GDF3: variants seen among roughly 807,000 people sequenced by gnomAD.
GDF3 encodes the protein growth/differentiation factor 3.
In GDF3, 10 loss-of-function variants were observed where a neutral mutation model predicts 10.2. The observed-to-expected ratio is 0.98, with a 90% CI of 0.60 to 1.66. The LOEUF is 1.66. Among genes scored for constraint, GDF3 ranks in the 40% most tolerant of loss-of-function variants. The pLI is 0.00. For missense variants in GDF3, 450 were observed against 438.3 expected (o/e 1.03, Z -0.24); for synonymous variants, 166 against 178.5 (o/e 0.93, Z 0.56).
chr12:7,694,417 T>C (rs1359170241), intron 1 of GDF3, among the ~76,000 whole-genome samples: 2 of 151,116 alleles, frequency 1.3e-5, no homozygotes, highest in African/African-American at 4.9e-5. Context: ...AATTAAAAAA[T>C]TAAAAAATTA....
In GDF3 at chr12:7,689,820, G is replaced by A; in HGVS notation, c.*58C>T. 1 of 1,106,850 alleles carries A rather than the reference G, an allele frequency of 9.0e-7. No homozygotes were observed. The highest frequency in any genetic ancestry group is 1.2e-5 in the South Asian group (1 of 80,774). The allele number at this position is 1,106,850 out of a possible 1,614,324, so 68.6% of individuals were successfully genotyped here. ...ATCTAAGTGGTCATAAACCAGATAG[G>A]TAGTTTTATTAAAAGATTTACCCTA... On this transcript the variant is annotated 3_prime_UTR_variant, in exon 2 of 2. Transcript: ENST00000329913.
intron 1 of GDF3, among the ~76,000 whole-genome samples, chr12:7,695,013 A>G (rs924850207): frequency 3.0e-4 from 45 of 152,300 alleles, no homozygotes; most frequent in Admixed American, 2.6e-4. Context: ...GGAGGTACAA[A>G]TAAGGGAAGC....
chr12:7,694,561 G>A (rs1317867010), intron 1 of GDF3, among the ~76,000 whole-genome samples: 4 of 108,070 alleles, frequency 3.7e-5, no homozygotes, highest in Non-Finnish European at 3.6e-5. Context: ...GGGACAGAGC[G>A]AGACTCTCAA....
chr12:7,690,007 T>G lies in GDF3; in HGVS notation c.966A>C (p.Pro322=), dbSNP rs1425660441. Residue 322 remains proline (P), a synonymous_variant, in exon 2 of 2, where the codon CCA becomes CCC. Coordinates refer to ENST00000329913, the MANE Select transcript of GDF3 (RefSeq NM_020634.3). ...GGATACACACAGCCTGGGGGATCTC[T>G]GGGTCAACGGCATGCATCAGGGCTT... ...FMQALMHAVD[P]EIPQAVCIPT... 6.2e-7 allele frequency: 1 copy of G among 1,613,990 alleles called. No individual in the cohort carries two copies. The highest frequency in any genetic ancestry group is 8.5e-7 in the Non-Finnish European group (1 of 1,179,894).
Position 7,695,682 on chromosome 12 carries a change from A to C in GDF3, c.47T>G (p.Leu16Arg). 6.2e-7 allele frequency: 1 copy of C among 1,614,206 alleles called. No homozygotes were observed. The highest frequency in any genetic ancestry group is 1.1e-5 in the South Asian group (1 of 91,088). The change falls in exon 1 of 2, where the codon CTG becomes CGG. Residue 16 changes from leucine (L) to arginine (R), a missense_variant. Transcript: ENST00000329913. ...AAATTGGACTGCCTGGCCCAAAGCC[A>C]GAATTAACAGGAAGCTGAAAGCCAA... The part of the protein sequence containing the change: ...PDLAFSFLLI[L>R]ALGQAVQFQE...
At position 7,695,749 on chromosome 12, in the gene GDF3, G is replaced by C. The variant is rs1200725346; in HGVS notation, c.-21C>G. On this transcript the variant is annotated 5_prime_UTR_variant, in exon 1 of 2. Transcript: ENST00000329913. Reference sequence around the variant, plus strand: ...AGCATGGCCTCTGGAGTGGCTGTCAGACCGGGGAGAGCTCCACTGCCAGAC... The same window carrying C: ...AGCATGGCCTCTGGAGTGGCTGTCACACCGGGGAGAGCTCCACTGCCAGAC... 9 of 1,613,594 alleles carry C rather than the reference G, an allele frequency of 5.6e-6. No homozygotes were observed. Among genetic ancestry groups the C allele is most frequent in the Non-Finnish European group, 7.6e-6 (9 of 1,179,846 alleles).
Position 7,690,291 on chromosome 12 carries a change from A to G in GDF3, c.682T>C (p.Ser228Pro). Residue 228 changes from serine (S) to proline (P), a missense_variant, in exon 2 of 2, where the codon TCC (serine) becomes CCC (proline). Transcript: ENST00000329913. ...PEDTCARLRC[S>P]LHASLLVVTL... ...ACCACCAGCAGGGAAGCATGAAGGGAGCATCTTAGTCTGGCACAGGTGTCT... is the reference window on the plus strand; with the variant it reads ...ACCACCAGCAGGGAAGCATGAAGGGGGCATCTTAGTCTGGCACAGGTGTCT... 6.2e-7 allele frequency: 1 copy of G among 1,614,076 alleles called. No individual in the cohort carries two copies.
intron 1 of GDF3, among the ~76,000 whole-genome samples, chr12:7,691,311 G>A (rs1018497323): frequency 9.9e-5 from 15 of 152,048 alleles, no homozygotes; most frequent in Non-Finnish European, 1.9e-4. Flanking sequence ...CCTTCATTAT[G>A]AATATAGGTA....
rs1864175790 is a variant in GDF3 at position 7,695,643 on chromosome 12, A to G, written c.86T>C (p.Phe29Ser). Residue 29 changes from phenylalanine to serine, a missense_variant, in exon 1 of 2, where the codon TTT (phenylalanine) becomes TCT (serine). Phe to Ser is a radical substitution (Grantham distance 155). Coordinates refer to ENST00000329913, the MANE Select transcript of GDF3 (RefSeq NM_020634.3). ...GQAVQFQEYV[F>S]LQFLGLDKAP... is the part of the protein sequence containing the mutation. Reference sequence around the variant, plus strand: ...CTTATCTAAGCCCAGAAATTGGAGAAAGACATATTCTTGAAATTGGACTGC... The same window carrying G: ...CTTATCTAAGCCCAGAAATTGGAGAGAGACATATTCTTGAAATTGGACTGC... 6.2e-7 allele frequency: 1 copy of G among 1,614,164 alleles called. No homozygotes were observed. The highest frequency in any genetic ancestry group is 1.3e-5 in the African/African-American group (1 of 75,046).
intron 1 of GDF3, among the ~76,000 whole-genome samples, chr12:7,694,225 G>T (rs1192596924): frequency 1.3e-5 from 2 of 152,044 alleles, no homozygotes; most frequent in Admixed American, 6.6e-5. Context: ...TTGCAGACGA[G>T]AATTTTACGT....
At position 7,690,433 on chromosome 12, in the gene GDF3, G is replaced by C. The variant is rs745398811; in HGVS notation, c.540C>G (p.His180Gln). Reference protein sequence around the residue: ...RSVPWPQGAVHFNLLDVAKDW... With the variant: ...RSVPWPQGAVQFNLLDVAKDW... ...CCTTAGCTACATCCAGCAGGTTGAA[G>C]TGAACAGCACCTTGTGGCCATGGGA... is the stretch of plus-strand genomic sequence containing the variant. The change falls in exon 2 of 2, where the codon CAC becomes CAG. Residue 180 changes from histidine (H) to glutamine (Q), a missense_variant. Coordinates refer to ENST00000329913, the MANE Select transcript of GDF3 (RefSeq NM_020634.3). 1.2e-6 allele frequency: 2 copies of C among 1,614,160 alleles called. No individual in the cohort carries two copies. Among genetic ancestry groups the C allele is most frequent in the Non-Finnish European group, 1.7e-6 (2 of 1,180,036 alleles).
chr12:7,695,634 A>G lies in GDF3; in HGVS notation c.95T>C (p.Phe32Ser). Reference protein sequence around the residue: ...VQFQEYVFLQFLGLDKAPSPQ... With the variant: ...VQFQEYVFLQSLGLDKAPSPQ... Reference sequence around the variant, plus strand: ...TGAAGGCGCCTTATCTAAGCCCAGAAATTGGAGAAAGACATATTCTTGAAA... The same window carrying G: ...TGAAGGCGCCTTATCTAAGCCCAGAGATTGGAGAAAGACATATTCTTGAAA... The change falls in exon 1 of 2, where the codon TTT becomes TCT. Residue 32 changes from phenylalanine (F) to serine (S), a missense_variant. Phe to Ser is a radical substitution (Grantham distance 155). Coordinates refer to ENST00000329913, the MANE Select transcript of GDF3 (RefSeq NM_020634.3). 6.2e-7 allele frequency: 1 copy of G among 1,614,118 alleles called. No homozygotes were observed. Among genetic ancestry groups the G allele is most frequent in the Middle Eastern group, 1.6e-4 (1 of 6,062 alleles).
chr12:7,695,267 G>A (rs1864171136), intron 1 of GDF3, among the ~76,000 whole-genome samples, 194 bp downstream of exon 1: 1 of 152,154 alleles, frequency 6.6e-6, no homozygotes, highest in Non-Finnish European at 1.5e-5. Context: ...TACTGTCTGA[G>A]CCTAATTTCC....
chr12:7,692,261 C>T (rs777643780), intron 1 of GDF3, among the ~76,000 whole-genome samples: 173 of 151,498 alleles, frequency 1.1e-3, no homozygotes, highest in African/African-American at 3.9e-3. Context: ...AAACCTGTCT[C>T]TGCTAAAAAT....
rs1231956592 is a variant in GDF3 at position 7,690,480 on chromosome 12, T to TA, written c.492dup (p.Lys165Ter). 6.2e-7 allele frequency: 1 copy of TA among 1,614,094 alleles called. No individual in the cohort carries two copies. Among genetic ancestry groups the TA allele is most frequent in the African/African-American group, 1.3e-5 (1 of 75,038 alleles). On this transcript the variant is annotated frameshift_variant, in exon 2 of 2. Transcript: ENST00000329913. LOFTEE classifies it low-confidence loss of function (END_TRUNC). ...GGGACTGACCGCAACACAAACATTT[T>TA]ACCTGGCTTAGGGGTGGTCTGGCCC...
At chr12:7,691,727 G>GT in intron 1 of GDF3, among the ~76,000 whole-genome samples, 1 of 150,822 alleles carries the variant, frequency 6.6e-6, no homozygotes, top group East Asian at 2.0e-4. Context: ...TATTTTAAAA[G>GT]CCAGGCGTGG....
chr12:7,695,486 A>C lies in GDF3; in HGVS notation c.243T>G (p.Asn81Lys). ...CYVKELGVRG[N>K]VLRFLPDQGF... ...CTTGGTCTGGGAGAAAGCGAAGTAC[A>C]TTCCCGCGGACGCCCAGCTCCTTTA... Residue 81 changes from asparagine to lysine, a missense_variant, in exon 1 of 2, where the codon AAT (asparagine) becomes AAG (lysine). Coordinates refer to ENST00000329913, the MANE Select transcript of GDF3 (RefSeq NM_020634.3). 6.2e-7 allele frequency: 1 copy of C among 1,614,110 alleles called. No homozygotes were observed.
chr12:7,689,879 T>C lies in GDF3; in HGVS notation c.1094A>G (p.Ter365TrpextTer27), dbSNP rs1186378311. 2.5e-6 allele frequency: 4 copies of C among 1,594,004 alleles called. No homozygotes were observed. In the African/African-American group the frequency reaches 4.0e-5, roughly 16 times the overall value. The change falls in exon 2 of 2, where the codon TAG (stop) becomes TGG (tryptophan). Residue 365 changes from the stop codon to tryptophan, a stop_lost. Coordinates refer to ENST00000329913, the MANE Select transcript of GDF3 (RefSeq NM_020634.3). ...CCTTCTATTCCCATTTCTGACATCC[T>C]ACCCACACCCACATTCATCGACTAC... is the stretch of plus-strand genomic sequence containing the variant. ...DMVVDECGCG[*>W]
At chr12:7,691,906 T>C (rs951342216) in intron 1 of GDF3, among the ~76,000 whole-genome samples, 18 of 150,084 alleles carry the variant, frequency 1.2e-4, no homozygotes, top group African/African-American at 2.9e-4. Flanking sequence ...ACTCAGGAGG[T>C]TGAGGCAGGA....
Sources: allele counts gnomAD v4.1 joint callset (sites outside exome capture counted in the v4.1 genomes callset), GRCh38; gene constraint gnomAD v4.1.1; transcripts MANE v1.5; gene names NCBI Gene and HGNC (gene_info 2026-07-23, HGNC 2026-07-21).